HGSNAT: variants seen among roughly 807,000 people sequenced by gnomAD.
HGSNAT encodes heparan-alpha-glucosaminide N-acetyltransferase, also known as transmembrane protein 76.
In HGSNAT, 59 loss-of-function variants were observed where a neutral mutation model predicts 85.2. That is an observed-to-expected ratio of 0.69 (90% confidence interval 0.56 to 0.86). The LOEUF (loss-of-function observed/expected upper bound fraction) is 0.86, where lower values mean the gene tolerates loss of function less well. Among genes scored for constraint, HGSNAT ranks in the 40% least tolerant of loss-of-function variants. The pLI is 0.00. For synonymous variants in HGSNAT, 321 were observed against 304.5 expected (o/e 1.05, Z -0.56); for missense variants, 756 against 777.1 (o/e 0.97, Z 0.32).
Position 43,158,617 on chromosome 8 carries a change from G to A in HGSNAT, c.277G>A (p.Ala93Thr), listed in dbSNP as rs368452647. 6.2e-7 allele frequency: 1 copy of A among 1,613,990 alleles called. No individual in the cohort carries two copies. Among genetic ancestry groups the A allele is most frequent in the Non-Finnish European group, 8.5e-7 (1 of 1,179,884 alleles). Residue 93 changes from alanine to threonine, a missense_variant, in exon 3 of 18, where the codon GCA becomes ACA. Transcript: ENST00000379644. ...VLVNVPQSPK[A>T]GKPSAAAASV... The stretch of plus-strand genomic sequence containing the variant: ...GGTAAACGTTCCTCAGAGTCCAAAA[G>A]CAGGGAAGCCTAGTGCTGCAGCTGC...
chr8:43,150,834 AAAAT>A (rs144266684), intron 2 of HGSNAT, among the ~76,000 whole-genome samples: 119,536 of 147,050 alleles, frequency 0.81, 50,354 homozygotes, highest in Non-Finnish European at 0.93. Flanking sequence ...ACTCCGTTTC[AAAAT>A]AAATAAATAA....
At chr8:43,181,094 A>AGACCGTG (rs1804083021) in intron 10 of HGSNAT, among the ~76,000 whole-genome samples, 1 of 178 alleles carries the variant, frequency 5.6e-3, no homozygotes, top group African/African-American at 7.2e-3. Context: ...AGGGAGAGGG[A>AGACCGTG]GAGGGAGAGG....
chr8:43,192,488 A>G, intron 13 of HGSNAT, 58 bp downstream of exon 13: 2 of 1,530,308 alleles, frequency 1.3e-6, no homozygotes, highest in Non-Finnish European at 1.8e-6. Context: ...AGTGAAGGAA[A>G]GTAGAAAGAG....
intron 2 of HGSNAT, among the ~76,000 whole-genome samples, chr8:43,148,229 C>T (rs1036501855): frequency 3.3e-5 from 5 of 151,638 alleles, no homozygotes; most frequent in Admixed American, 6.6e-5. Context: ...GCAACAAAAG[C>T]GAAACTCTGT....
chr8:43,147,085 G>A, intron 2 of HGSNAT, 22 bp downstream of exon 2: 1 of 1,400,918 alleles, frequency 7.1e-7, no homozygotes, highest in South Asian at 1.2e-5. Flanking sequence ...TTCACACTCA[G>A]TTCTGTTTGC....
At chr8:43,157,076 A>G (rs1803117295) in intron 2 of HGSNAT, among the ~76,000 whole-genome samples, 1 of 152,226 alleles carries the variant, frequency 6.6e-6, no homozygotes, top group Non-Finnish European at 1.5e-5. Flanking sequence ...ATAATTGAAA[A>G]CATAATATAG....
At chr8:43,150,213 AGAGT>A (rs747173472) in intron 2 of HGSNAT, among the ~76,000 whole-genome samples, 5 of 152,224 alleles carry the variant, frequency 3.3e-5, no homozygotes, top group South Asian at 4.1e-4. Flanking sequence ...TCAGCCTCCC[AGAGT>A]GCTGGGATTA....
At chr8:43,187,252 T>G (rs571095079) in intron 11 of HGSNAT, among the ~76,000 whole-genome samples, 2 of 152,352 alleles carry the variant, frequency 1.3e-5, no homozygotes, top group Admixed American at 1.3e-4. Flanking sequence ...TGTTAAAGTC[T>G]CCCATTATTA....
intron 4 of HGSNAT, 146 bp downstream of exon 4, chr8:43,159,190 A>C (rs1353355051): frequency 6.5e-6 from 4 of 615,478 alleles, no homozygotes; most frequent in Admixed American, 3.5e-5. Flanking sequence ...CACTCCCCCC[A>C]AAAAATCCAC....
intron 1 of HGSNAT, among the ~76,000 whole-genome samples, chr8:43,142,907 A>G (rs1802595937): frequency 6.6e-6 from 1 of 152,260 alleles, no homozygotes; most frequent in African/African-American, 2.4e-5. Flanking sequence ...ACATGAGTAC[A>G]CACAGTACTT....
chr8:43,154,883 T>C (rs1298646933), intron 2 of HGSNAT, among the ~76,000 whole-genome samples: 1 of 152,212 alleles, frequency 6.6e-6, no homozygotes, highest in Non-Finnish European at 1.5e-5. Context: ...TGATCGCCAT[T>C]CTAACTGGTG....
chr8:43,163,535 T>A (rs550728023), intron 5 of HGSNAT, among the ~76,000 whole-genome samples: 183 of 152,032 alleles, frequency 1.2e-3, no homozygotes, highest in African/African-American at 4.3e-3. Flanking sequence ...TTTTTTTTTT[T>A]TAATTTTTTG....
chr8:43,186,664 A>G (rs1292498237), intron 11 of HGSNAT, among the ~76,000 whole-genome samples: 1 of 151,818 alleles, frequency 6.6e-6, no homozygotes, highest in African/African-American at 2.4e-5. Context: ...GATCTTAGTT[A>G]CTTCTTGCCT....
chr8:43,193,873 T>C (rs1239379760), intron 14 of HGSNAT, 30 bp downstream of exon 14: 2 of 1,607,140 alleles, frequency 1.2e-6, no homozygotes, highest in Non-Finnish European at 1.7e-6. Context: ...GGTTACTTTT[T>C]CTGACAATTT....
chr8:43,180,136 C>T (rs1161636289), intron 10 of HGSNAT, among the ~76,000 whole-genome samples: 3 of 106,522 alleles, frequency 2.8e-5, no homozygotes, highest in Non-Finnish European at 4.0e-5. Context: ...CCGGATGGGG[C>T]GGCTGGCCGG....
chr8:43,154,799 G>T (rs1000515161), intron 2 of HGSNAT, among the ~76,000 whole-genome samples: 6 of 152,194 alleles, frequency 3.9e-5, no homozygotes, highest in Admixed American at 3.3e-4. Flanking sequence ...CTAGTTTACA[G>T]TCCTCCCAAC....
rs1803166332 is a variant in HGSNAT at position 43,158,605 on chromosome 8, C to T, written c.265C>T (p.Gln89Ter). The stretch of plus-strand genomic sequence containing the variant: ...GTTTCAGGTTCTGGTAAACGTTCCT[C>T]AGAGTCCAAAAGCAGGGAAGCCTAG... ...CLFQVLVNVP[Q>*]SPKAGKPSAA... The change falls in exon 3 of 18, where the codon CAG (glutamine) becomes TAG (stop). Residue 89 changes from glutamine to a stop codon, truncating the protein, a stop_gained. Coordinates refer to ENST00000379644, the MANE Select transcript of HGSNAT (RefSeq NM_152419.3). LOFTEE classifies it high-confidence loss of function. The T allele has an allele frequency of 1.2e-6, 2 of 1,613,946 alleles. No homozygotes were observed. Among genetic ancestry groups the T allele is most frequent in the Non-Finnish European group, 1.7e-6 (2 of 1,179,864 alleles).
Position 43,178,126 on chromosome 8 carries a change from C to T in HGSNAT, c.904C>T (p.Gln302Ter). The change falls in exon 10 of 18, where the codon CAA becomes TAA. Residue 302 changes from glutamine to a stop codon, truncating the protein, a stop_gained. Coordinates refer to ENST00000379644, the MANE Select transcript of HGSNAT (RefSeq NM_152419.3). LOFTEE classifies it high-confidence loss of function. ...TTTTCTATCGATGACTTCTATACTG[C>T]AACGGGGGTGTTCAAAATTCAGATT... is the stretch of plus-strand genomic sequence containing the variant. ...SIFLSMTSILQRGCSKFRLLG... is the reference protein window; with the variant it reads ...SIFLSMTSIL 1 of 1,607,752 alleles carries T rather than the reference C, an allele frequency of 6.2e-7. No homozygotes were observed. The highest frequency in any genetic ancestry group is 8.5e-7 in the Non-Finnish European group (1 of 1,177,620).
In HGSNAT at chr8:43,182,221, G is replaced by A; in HGVS notation, c.1089G>A (p.Glu363=). The A allele has an allele frequency of 1.2e-6, 2 of 1,613,970 alleles. No individual in the cohort carries two copies. Among genetic ancestry groups the A allele is most frequent in the Non-Finnish European group, 1.7e-6 (2 of 1,179,872 alleles). ...GVTYFVVAVL[E]LLFAKPVPEH... ...CATACTTTGTGGTTGCTGTGTTGGA[G>A]CTCCTCTTTGCTAAACCTGTGCCTG... The change falls in exon 11 of 18, where the codon GAG becomes GAA. Residue 363 remains glutamate, a synonymous_variant. Transcript: ENST00000379644.
Sources: allele counts gnomAD v4.1 joint callset (sites outside exome capture counted in the v4.1 genomes callset), GRCh38; gene constraint gnomAD v4.1.1; transcripts MANE v1.5; gene names NCBI Gene and HGNC (gene_info 2026-07-23, HGNC 2026-07-21).